STPG2: variants seen among roughly 807,000 people sequenced by gnomAD.
The protein encoded by STPG2 is sperm-tail PG-rich repeat-containing protein 2.
STPG2 carries 56 observed loss-of-function variants against 54.2 expected under a neutral mutation model. The observed-to-expected ratio is 1.03, with a 90% CI of 0.83 to 1.29. STPG2 has a LOEUF of 1.29. STPG2 is among the 50% of genes most tolerant of loss of function. The pLI, the probability that STPG2 is intolerant of heterozygous loss-of-function variation, is 0.00. For missense variants in STPG2, 596 were observed against 544.9 expected, an observed-to-expected ratio of 1.09 and a Z score of -0.93; for synonymous variants, 200 against 181.8, an observed-to-expected ratio of 1.10 and a Z score of -0.81.
In STPG2 at chr4:97,540,354, C is replaced by A. The variant is rs556366046; in HGVS notation, c.462+172345G>T. 4.2e-3 allele frequency among the ~76,000 whole-genome samples: 633 copies of A among 152,216 alleles called. 3 individuals carry two copies. Among genetic ancestry groups the A allele is most frequent in the South Asian group, 0.02 (98 of 4,820 alleles). The stretch of plus-strand genomic sequence containing the variant: ...AGAGAATACTATAAACACCTCTATG[C>A]AAATAAACTAGAAAATGTAGAAGAA... On this transcript the variant is annotated intron_variant, in intron 4 of 4. Coordinates refer to the STPG2 transcript ENST00000522676.
chr4:97,619,431 T>C (rs543718643), intron 10 of STPG2, among the ~76,000 whole-genome samples: 2 of 152,172 alleles, frequency 1.3e-5, no homozygotes, highest in East Asian at 1.9e-4. Flanking sequence ...AACCTAAATA[T>C]GGGTTTTAAA....
chr4:97,920,518 C>A (rs1160039434), intron 8 of STPG2, among the ~76,000 whole-genome samples: 1 of 152,042 alleles, frequency 6.6e-6, no homozygotes, highest in Non-Finnish European at 1.5e-5. Context: ...GTAGTGAGGG[C>A]AGGTGTCAGT....
At chr4:98,071,495 T>C (rs192797674) in intron 5 of STPG2, among the ~76,000 whole-genome samples, 300 of 152,210 alleles carry the variant, frequency 2.0e-3, no homozygotes, top group African/African-American at 7.1e-3. Context: ...ATTCAGGACA[T>C]AGGCACAGGC....
At chr4:97,908,830 A>T (rs1462411183) in intron 8 of STPG2, among the ~76,000 whole-genome samples, 16 of 137,146 alleles carry the variant, frequency 1.2e-4, no homozygotes, top group Middle Eastern at 3.8e-3. Flanking sequence ...ACACATGGAC[A>T]CGGGAAGGGG....
intron 5 of STPG2, among the ~76,000 whole-genome samples, chr4:98,063,443 A>T (rs2015828): frequency 1.3e-5 from 2 of 151,580 alleles, no homozygotes; most frequent in African/African-American, 4.9e-5. Flanking sequence ...GCAAGACACC[A>T]TCCCAAAAAA....
intron 4 of STPG2, among the ~76,000 whole-genome samples, chr4:97,466,953 C>G (rs1267389874): frequency 1.3e-5 from 2 of 151,834 alleles, no homozygotes; most frequent in Non-Finnish European, 2.9e-5. Flanking sequence ...TTTTAGCACC[C>G]AAGCTACTAT....
rs182910956 is a variant in STPG2 at position 97,737,902 on chromosome 4, A to G, written c.1205-25088T>C. The stretch of plus-strand genomic sequence containing the variant: ...CTTGCAAAGAGCAACTCCAAGACAC[A>G]AAATTGCCAGATTCACCAAAGTTGA... On this transcript the variant is annotated intron_variant, in intron 9 of 10. Coordinates refer to ENST00000295268, the MANE Select transcript of STPG2 (RefSeq NM_174952.3). Among the ~76,000 whole-genome samples the G allele has an allele frequency of 4.2e-3, 643 of 152,302 alleles. 5 individuals are homozygous for G. The highest frequency in any genetic ancestry group is 0.015 in the African/African-American group (614 of 41,562).
chr4:97,664,174 T>A (rs889398773), intron 10 of STPG2, among the ~76,000 whole-genome samples: 1 of 152,218 alleles, frequency 6.6e-6, no homozygotes, highest in African/African-American at 2.4e-5. Flanking sequence ...TCTCATTTAA[T>A]CTTCACAAAA....
rs200606855 is a variant in STPG2 at position 98,113,375 on chromosome 4, C to CA, written c.388-4071dup. On this transcript the variant is annotated intron_variant, in intron 3 of 10. Transcript: ENST00000295268. Reference sequence around the variant, plus strand: ...TGTCCTCTACATTGATAGTTACAGACAAAAAAAAATGGTATTTAAGTTATT... The same window carrying CA: ...TGTCCTCTACATTGATAGTTACAGACAAAAAAAAAATGGTATTTAAGTTATT... Among the ~76,000 whole-genome samples the CA allele has an allele frequency of 6.1e-3, 915 of 149,118 alleles. 6 individuals carry two copies. Among genetic ancestry groups the CA allele is most frequent in the South Asian group, 0.026 (122 of 4,718 alleles).
intron 8 of STPG2, among the ~76,000 whole-genome samples, chr4:97,880,850 C>T (rs1560568861): frequency 6.6e-6 from 1 of 151,986 alleles, no homozygotes; most frequent in Non-Finnish European, 1.5e-5. Flanking sequence ...ACCAAGACTT[C>T]CAATACCAGT....
intron 4 of STPG2, among the ~76,000 whole-genome samples, chr4:97,504,321 A>G (rs1730800863): frequency 6.6e-6 from 1 of 151,078 alleles, no homozygotes. Context: ...TAAAGTTTTT[A>G]TTATATATAA....
chr4:97,504,692 C>T (rs756859658), intron 4 of STPG2, among the ~76,000 whole-genome samples: 1 of 151,936 alleles, frequency 6.6e-6, no homozygotes, highest in African/African-American at 2.4e-5. Context: ...AAATCACACA[C>T]AATGCAGCAG....
chr4:97,932,136 C>A (rs572797834), intron 8 of STPG2, among the ~76,000 whole-genome samples: 1 of 152,060 alleles, frequency 6.6e-6, no homozygotes, highest in Non-Finnish European at 1.5e-5. Context: ...TCTCTCTTTG[C>A]TTCATAAGTC....
chr4:97,873,491 C>T (rs1730063021), intron 8 of STPG2, among the ~76,000 whole-genome samples: 1 of 151,468 alleles, frequency 6.6e-6, no homozygotes. Flanking sequence ...AGAAAAATTA[C>T]ACTACAATAA....
At chr4:97,547,705 G>C (rs936358348) in intron 4 of STPG2, among the ~76,000 whole-genome samples, 1 of 152,148 alleles carries the variant, frequency 6.6e-6, no homozygotes, top group Non-Finnish European at 1.5e-5. Flanking sequence ...AGACAAACTA[G>C]AGAAATGTTT....
intron 9 of STPG2, among the ~76,000 whole-genome samples, chr4:97,784,198 T>C (rs1726751321): frequency 6.6e-6 from 1 of 152,044 alleles, no homozygotes; most frequent in African/African-American, 2.4e-5. Flanking sequence ...GAAGATTATA[T>C]GCTATATCTG....
At chr4:97,946,487 A>G (rs1237322719) in intron 7 of STPG2, among the ~76,000 whole-genome samples, 1 of 152,012 alleles carries the variant, frequency 6.6e-6, no homozygotes, top group African/African-American at 2.4e-5. Flanking sequence ...TGTCCAGAAG[A>G]GTTTTTCTTA....
intron 8 of STPG2, 34 bp from the exon 9 acceptor site, chr4:97,840,966 A>G: frequency 6.3e-7 from 1 of 1,596,060 alleles, no homozygotes; most frequent in South Asian, 1.1e-5. Flanking sequence ...GCATAAATAT[A>G]TCTTATACTG....
At chr4:97,933,843 C>A (rs949781472) in intron 8 of STPG2, among the ~76,000 whole-genome samples, 2 of 152,022 alleles carry the variant, frequency 1.3e-5, no homozygotes, top group Non-Finnish European at 2.9e-5. Flanking sequence ...CTTGGCTGTA[C>A]GGGCTCTCTT....
Sources: allele counts gnomAD v4.1 joint callset (sites outside exome capture counted in the v4.1 genomes callset), GRCh38; gene constraint gnomAD v4.1.1; transcripts MANE v1.5; gene names NCBI Gene and HGNC (gene_info 2026-07-23, HGNC 2026-07-21).